The following MPHOSPH6 variants were observed in gnomAD, a reference collection of about 807,000 sequenced individuals.
The protein encoded by MPHOSPH6 is M-phase phosphoprotein 6.
Under a neutral mutation model 21.8 loss-of-function variants are expected in MPHOSPH6, and 25 were observed. That is an observed-to-expected ratio of 1.15 (90% CI 0.83 to 1.60). The LOEUF (loss-of-function observed/expected upper bound fraction) is 1.60. Ranked by LOEUF, MPHOSPH6 falls within the 40% of genes most tolerant of loss-of-function variation. The pLI is 0.00. For synonymous variants in MPHOSPH6, 84 were observed against 56.5 expected (o/e 1.49, Z -2.18); for missense variants, 269 against 181.8 (o/e 1.48, Z -2.76).
rs375356196 is a variant in MPHOSPH6 at position 82,151,393 on chromosome 16, A to T, written c.255+31T>A. On this transcript the variant is annotated intron_variant, in intron 3 of 4. Transcript: ENST00000258169. ...AGCAGAAAAAAATTCAATTGGAAAA[A>T]TTTTTAATTTGAAGCAATTATATTT... is the stretch of plus-strand genomic sequence containing the variant. The T allele has an allele frequency of 1.5e-4, 234 of 1,599,492 alleles. 1 individual carries two copies. The African/African-American group carries it at 2.6e-3, about 18-fold the overall frequency.
intron 2 of MPHOSPH6, among the ~76,000 whole-genome samples, chr16:82,160,830 A>C (rs192506645): frequency 6.6e-6 from 1 of 152,278 alleles, no homozygotes; most frequent in East Asian, 1.9e-4. Flanking sequence ...GCATCTTGGC[A>C]TACTGAAAAT....
chr16:82,148,709 G>C lies in MPHOSPH6; in HGVS notation c.*22C>G, dbSNP rs1398190567. ...GCTGACTTCCACCAAGCACCCCTGG[G>C]CCATCGCTTAAGGCATCCATCTTAA... On this transcript the variant is annotated 3_prime_UTR_variant, in exon 5 of 5. Transcript: ENST00000258169. 3 of 1,612,786 alleles carry C rather than the reference G, an allele frequency of 1.9e-6. No individual in the cohort carries two copies. The highest frequency in any genetic ancestry group is 2.5e-6 in the Non-Finnish European group (3 of 1,179,532).
intron 2 of MPHOSPH6, among the ~76,000 whole-genome samples, chr16:82,156,571 A>C (rs1306659178): frequency 6.6e-6 from 1 of 152,230 alleles, no homozygotes; most frequent in Non-Finnish European, 1.5e-5. Flanking sequence ...AAACCATAAT[A>C]AGATGCCACT....
In MPHOSPH6 at chr16:82,165,144, T is replaced by TTG. The variant is rs1555540872; in HGVS notation, c.52-952_52-951dup. ...TTATTTTTTTTTTTATTTTTTTTTT[T>TTG]TGAGACAGAGTCTCACTCTGTCGCC... On this transcript the variant is annotated intron_variant, in intron 1 of 4. Transcript: ENST00000258169. Among the ~76,000 whole-genome samples, 547 of 108,530 alleles carry TTG rather than the reference T, an allele frequency of 5.0e-3. 28 individuals are homozygous for TTG. Among genetic ancestry groups the TTG allele is most frequent in the Non-Finnish European group, 7.9e-3 (420 of 53,440 alleles). 71.2% of individuals were successfully genotyped at this position (108,530 alleles called of 152,430 possible). A position where few individuals can be genotyped will look rare whatever the true frequency, so the allele number is the denominator to read the frequency against.
intron 1 of MPHOSPH6, among the ~76,000 whole-genome samples, chr16:82,169,704 G>A (rs1457707014): frequency 6.6e-6 from 1 of 152,156 alleles, no homozygotes. Flanking sequence ...TTAAAGATGA[G>A]GAAAAGAGAT....
At chr16:82,160,198 TAC>T (rs969348222) in intron 2 of MPHOSPH6, among the ~76,000 whole-genome samples, 9 of 152,202 alleles carry the variant, frequency 5.9e-5, no homozygotes, top group African/African-American at 2.2e-4. Flanking sequence ...AAAAATTAAT[TAC>T]AGAGTTGGCA....
intron 2 of MPHOSPH6, among the ~76,000 whole-genome samples, chr16:82,153,186 A>T (rs538890754): frequency 1.3e-5 from 2 of 152,340 alleles, no homozygotes; most frequent in South Asian, 4.1e-4. Context: ...CTATAGAAAG[A>T]GGGGCCAAAT....
At position 82,168,472 on chromosome 16, in the gene MPHOSPH6, C is replaced by CTCCGT. The variant is rs1555541289; in HGVS notation, c.51+1652_51+1653insACGGA. ...TGCCCATATAATGTTTACTCTCTCTCTTTTTTTTTTTTTTTTGAGACAGGG... is the reference window on the plus strand; with the variant it reads ...TGCCCATATAATGTTTACTCTCTCTCTCCGTTTTTTTTTTTTTTTTTGAGACAGGG... On this transcript the variant is annotated intron_variant, in intron 1 of 4. Transcript: ENST00000258169. Among the ~76,000 whole-genome samples, 410 of 48,024 alleles carry CTCCGT rather than the reference C, an allele frequency of 8.5e-3. 3 individuals carry two copies. Among genetic ancestry groups the CTCCGT allele is most frequent in the African/African-American group, 0.013 (389 of 30,318 alleles). The allele number at this position is 48,024 out of a possible 152,430, so 31.5% of individuals were successfully genotyped here.
chr16:82,157,163 T>C (rs1906453894), intron 2 of MPHOSPH6, among the ~76,000 whole-genome samples: 1 of 152,208 alleles, frequency 6.6e-6, no homozygotes, highest in Non-Finnish European at 1.5e-5. Context: ...CACAATGAGA[T>C]GCCACTAGAA....
In MPHOSPH6 at chr16:82,151,214, T is replaced by A. The variant is rs1351443520; in HGVS notation, c.255+210A>T. 6 of 556,056 alleles carry A rather than the reference T, an allele frequency of 1.1e-5. No individual in the cohort carries two copies. In the Admixed American group the frequency reaches 1.7e-4, roughly 16 times the overall value. The allele number at this position is 556,056 out of a possible 1,614,324, so 34.4% of individuals were successfully genotyped here. A position where few individuals can be genotyped will look rare whatever the true frequency, so the allele number is the denominator to read the frequency against. On this transcript the variant is annotated intron_variant, in intron 3 of 4. Transcript: ENST00000258169. Reference sequence around the variant, plus strand: ...GGTGGCTCTGTCAAGGGCTGTATACTGCTATATGAAATTATCTACTCACCT... The same window carrying A: ...GGTGGCTCTGTCAAGGGCTGTATACAGCTATATGAAATTATCTACTCACCT...
intron 1 of MPHOSPH6, among the ~76,000 whole-genome samples, chr16:82,168,028 T>C (rs1311341201): frequency 6.6e-6 from 1 of 152,238 alleles, no homozygotes; most frequent in Non-Finnish European, 1.5e-5. Context: ...TTCTTATCAA[T>C]GACCAAAGCT....
intron 2 of MPHOSPH6, among the ~76,000 whole-genome samples, chr16:82,152,848 G>A (rs1361235259): frequency 2.6e-5 from 4 of 152,206 alleles, no homozygotes; most frequent in Non-Finnish European, 5.9e-5. Flanking sequence ...AAGCAAACAT[G>A]TGGCTTTTAA....
At chr16:82,167,433 A>C (rs11866711) in intron 1 of MPHOSPH6, 99,123 of 152,106 alleles carry the variant, frequency 0.65, 34,415 homozygotes, top group East Asian at 0.78. Context: ...GGTGGTGGAG[A>C]GGGGAAGGGT....
chr16:82,167,241 G>C (rs1239864786), intron 1 of MPHOSPH6, among the ~76,000 whole-genome samples: 2 of 152,184 alleles, frequency 1.3e-5, no homozygotes, highest in Admixed American at 1.3e-4. Flanking sequence ...CATACTGGAA[G>C]ACCTTCCATC....
chr16:82,164,235 T>G, intron 1 of MPHOSPH6, 41 bp from the exon 2 acceptor site: 1 of 1,340,676 alleles, frequency 7.5e-7, no homozygotes, highest in Non-Finnish European at 1.0e-6. Flanking sequence ...ACTTTTCCCA[T>G]TTTAGAACTG....
At chr16:82,164,298 G>T in intron 1 of MPHOSPH6, 104 bp from the exon 2 acceptor site, 1 of 732,570 alleles carries the variant, frequency 1.4e-6, no homozygotes, top group Non-Finnish European at 2.2e-6. Context: ...ATTTATCTAT[G>T]GAACCCATCT....
At chr16:82,163,120 C>A (rs1009242027) in intron 2 of MPHOSPH6, among the ~76,000 whole-genome samples, 7 of 152,298 alleles carry the variant, frequency 4.6e-5, no homozygotes, top group Middle Eastern at 3.4e-3. Context: ...AGAAGGGTAT[C>A]TAACCTTCAA....
Position 82,167,912 on chromosome 16 carries a change from T to C in MPHOSPH6, c.51+2213A>G, listed in dbSNP as rs1906838366. 2.6e-5 allele frequency among the ~76,000 whole-genome samples: 4 copies of C among 152,190 alleles called. No individual in the cohort carries two copies. The South Asian group carries it at 8.3e-4, about 32-fold the overall frequency. On this transcript the variant is annotated intron_variant, in intron 1 of 4. Transcript: ENST00000258169. ...TTGGGGACCCATGCTATATAGGACTTAGCTCTGGTTAAGGCACCCTAAGTG... is the reference window on the plus strand; with the variant it reads ...TTGGGGACCCATGCTATATAGGACTCAGCTCTGGTTAAGGCACCCTAAGTG...
At chr16:82,164,955 T>C (rs758440923) in intron 1 of MPHOSPH6, 1 of 151,998 alleles carries the variant, frequency 6.6e-6, no homozygotes, top group Non-Finnish European at 1.5e-5. Context: ...AGGGAACAAG[T>C]GAACAAACTT....
Sources: allele counts gnomAD v4.1 joint callset (sites outside exome capture counted in the v4.1 genomes callset), GRCh38; gene constraint gnomAD v4.1.1; transcripts MANE v1.5; gene names NCBI Gene and HGNC (gene_info 2026-07-23, HGNC 2026-07-21).